Variants in TTC33 observed in about 807,000 individuals in gnomAD.
TTC33 encodes tetratricopeptide repeat domain 33.
A neutral mutation model predicts 29.4 loss-of-function variants in TTC33; 24 were observed. The observed-to-expected ratio is 0.82, with a 90% CI of 0.59 to 1.15. The LOEUF (loss-of-function observed/expected upper bound fraction) is 1.15. TTC33 is among the 50% of genes most tolerant of loss of function. The pLI is 0.00. For missense variants in TTC33, 286 were observed against 310.4 expected (o/e 0.92, Z 0.59); for synonymous variants, 107 against 100.3 (o/e 1.07, Z -0.40).
intron 4 of TTC33, among the ~76,000 whole-genome samples, chr5:40,726,308 G>A (rs1742285978): frequency 6.6e-6 from 1 of 151,508 alleles, no homozygotes. Flanking sequence ...CCCAACTACT[G>A]ACTTTTAATT....
chr5:40,717,003 C>T (rs980093), intron 4 of TTC33, among the ~76,000 whole-genome samples: 49,053 of 151,804 alleles, frequency 0.32, 8,409 homozygotes, highest in East Asian at 0.56. Context: ...CTGAGGTGGG[C>T]GGATCACCTG....
Position 40,715,736 on chromosome 5 carries a change from A to G in TTC33, c.*409T>C, listed in dbSNP as rs931578825. 1.3e-5 allele frequency: 2 copies of G among 156,756 alleles called. No individual in the cohort carries two copies. The highest frequency in any genetic ancestry group is 4.8e-5 in the African/African-American group (2 of 41,776). 9.7% of individuals were successfully genotyped at this position (156,756 alleles called of 1,614,324 possible). A position where few individuals can be genotyped will look rare whatever the true frequency, so the allele number is the denominator to read the frequency against. On this transcript the variant is annotated 3_prime_UTR_variant, in exon 5 of 5. Coordinates refer to ENST00000337702, the MANE Select transcript of TTC33 (RefSeq NM_012382.3). ...AGCAAGAAAAAGACAGCAAATATTA[A>G]GCGCAGTATATTTCTCAGAGGGAGG...
At chr5:40,742,815 A>G (rs529010353) in intron 2 of TTC33, among the ~76,000 whole-genome samples, 24 of 152,370 alleles carry the variant, frequency 1.6e-4, no homozygotes, top group African/African-American at 5.8e-4. Context: ...AATAAAATAC[A>G]TTCTCAGAAT....
intron 3 of TTC33, among the ~76,000 whole-genome samples, chr5:40,729,675 A>G (rs1338349732): frequency 3.3e-5 from 5 of 152,030 alleles, no homozygotes; most frequent in Admixed American, 3.3e-4. Context: ...AGAGCTCAAC[A>G]GTGACTTTTT....
chr5:40,737,960 G>A (rs1742591925), intron 2 of TTC33, among the ~76,000 whole-genome samples: 1 of 152,190 alleles, frequency 6.6e-6, no homozygotes, highest in Non-Finnish European at 1.5e-5. Flanking sequence ...TTCACCTGCT[G>A]ATGAACATTT....
At chr5:40,746,149 A>T (rs1248526514) in intron 2 of TTC33, among the ~76,000 whole-genome samples, 2 of 152,132 alleles carry the variant, frequency 1.3e-5, no homozygotes, top group Non-Finnish European at 2.9e-5. Context: ...TTCCCCACTG[A>T]CTAATGAAAA....
chr5:40,755,717 C>T (rs563096029), intron 1 of TTC33, 107 bp downstream of exon 1: 1 of 152,928 alleles, frequency 6.5e-6, no homozygotes, highest in African/African-American at 2.4e-5. Context: ...TCTTCCTCAG[C>T]TTCCACCGCC....
At chr5:40,748,016 G>A (rs779661736) in intron 1 of TTC33, among the ~76,000 whole-genome samples, 5 of 151,734 alleles carry the variant, frequency 3.3e-5, no homozygotes, top group Admixed American at 2.0e-4. Context: ...TAGTAGAAAC[G>A]GGATTTCACC....
chr5:40,722,549 C>T (rs543533557), intron 4 of TTC33, among the ~76,000 whole-genome samples: 112 of 152,118 alleles, frequency 7.4e-4, no homozygotes, highest in African/African-American at 2.6e-3. Context: ...GCGCCTCTGC[C>T]TGGCCGCGAC....
At chr5:40,739,110 G>A (rs1044988696) in intron 2 of TTC33, among the ~76,000 whole-genome samples, 1 of 152,154 alleles carries the variant, frequency 6.6e-6, no homozygotes, top group Non-Finnish European at 1.5e-5. Flanking sequence ...ATTGATCCAT[G>A]TATGTCTATC....
At chr5:40,753,871 A>C (rs1742939926) in intron 1 of TTC33, among the ~76,000 whole-genome samples, 1 of 152,090 alleles carries the variant, frequency 6.6e-6, no homozygotes, top group Admixed American at 6.6e-5. Context: ...TAGTGTGTTT[A>C]CTGGAGGTAA....
intron 2 of TTC33, among the ~76,000 whole-genome samples, chr5:40,736,385 C>T (rs991992798): frequency 6.6e-6 from 1 of 152,108 alleles, no homozygotes. Context: ...GAACAAAATG[C>T]ATGGTAAATT....
At chr5:40,749,316 T>C (rs1428596173) in intron 1 of TTC33, among the ~76,000 whole-genome samples, 3 of 152,184 alleles carry the variant, frequency 2.0e-5, no homozygotes, top group Admixed American at 6.5e-5. Flanking sequence ...CTGGGAACTG[T>C]ATATAAATTG....
chr5:40,722,816 G>T (rs529367531), intron 4 of TTC33, among the ~76,000 whole-genome samples: 3 of 150,510 alleles, frequency 2.0e-5, no homozygotes, highest in East Asian at 2.0e-4. Flanking sequence ...TCCGGGAGGT[G>T]GGGGGCGCAG....
Position 40,728,419 on chromosome 5 carries a change from G to T in TTC33, c.361C>A (p.Gln121Lys), listed in dbSNP as rs1742345210. 4 of 1,613,892 alleles carry T rather than the reference G, an allele frequency of 2.5e-6. No individual in the cohort carries two copies. In the African/African-American group the frequency reaches 4.0e-5, roughly 16 times the overall value. Reference protein sequence around the residue: ...PAVHAAEMAVQQNPHSWESWQ... With the variant: ...PAVHAAEMAVKQNPHSWESWQ... ...GACTCCCATGAATGTGGATTTTGCT[G>T]GACGGCCATTTCTGCTGCATGTACT... Residue 121 changes from glutamine to lysine, a missense_variant, in exon 4 of 5, where the codon CAG becomes AAG. Coordinates refer to ENST00000337702, the MANE Select transcript of TTC33 (RefSeq NM_012382.3).
At position 40,712,364 on chromosome 5, in the gene TTC33, T is replaced by C. The variant is rs1001263379; in HGVS notation, c.*3781A>G. ...GAAATATAATCTGCACTAGTCTTTG[T>C]TAAAGTTTGAGGGAGTCATAAAATA... On this transcript the variant is annotated 3_prime_UTR_variant, in exon 5 of 5. Transcript: ENST00000337702. 6.6e-6 allele frequency among the ~76,000 whole-genome samples: 1 copy of C among 152,170 alleles called. No homozygotes were observed. Among genetic ancestry groups the C allele is most frequent in the African/African-American group, 2.4e-5 (1 of 41,468 alleles).
At chr5:40,720,072 G>A (rs953487761) in intron 4 of TTC33, among the ~76,000 whole-genome samples, 1 of 151,912 alleles carries the variant, frequency 6.6e-6, no homozygotes, top group African/African-American at 2.4e-5. Flanking sequence ...TTTTTCTTTT[G>A]TTGTTTGTGC....
At chr5:40,738,448 AC>A (rs1742605935) in intron 2 of TTC33, among the ~76,000 whole-genome samples, 29 of 86,556 alleles carry the variant, frequency 3.4e-4, no homozygotes, top group African/African-American at 1.3e-3. Flanking sequence ...AAAATAAAAT[AC>A]AATACAATAC....
chr5:40,712,492 C>T lies in TTC33; in HGVS notation c.*3653G>A, dbSNP rs1741916339. Among the ~76,000 whole-genome samples the T allele has an allele frequency of 6.6e-6, 1 of 152,108 alleles. No individual in the cohort carries two copies. The highest frequency in any genetic ancestry group is 2.4e-5 in the African/African-American group (1 of 41,428). ...GAAAAAGGCTAGGTTAGAGGATGTA[C>T]TTTAAGTTTATGCCAACAATAGCCA... is the stretch of plus-strand genomic sequence containing the variant. On this transcript the variant is annotated 3_prime_UTR_variant, in exon 5 of 5. Coordinates refer to ENST00000337702, the MANE Select transcript of TTC33 (RefSeq NM_012382.3).
Sources: allele counts gnomAD v4.1 joint callset (sites outside exome capture counted in the v4.1 genomes callset), GRCh38; gene constraint gnomAD v4.1.1; transcripts MANE v1.5; gene names NCBI Gene and HGNC (gene_info 2026-07-23, HGNC 2026-07-21).